Variants in CTNNA2 observed in about 807,000 individuals in gnomAD.
CTNNA2 encodes the protein catenin alpha 2, also known as catenin alpha-2.
A neutral mutation model predicts 101.0 loss-of-function variants in CTNNA2; 42 were observed. The ratio of observed to expected loss-of-function variants is 0.42; its 90% CI spans 0.32 to 0.54. The LOEUF is 0.54. CTNNA2 is among the 20% of genes least tolerant of loss of function. The pLI, the probability that CTNNA2 is intolerant of heterozygous loss-of-function variation, is 0.14. For missense variants in CTNNA2, 871 were observed against 1,223.1 expected (o/e 0.71, Z 4.29); for synonymous variants, 450 against 456.4 (o/e 0.99, Z 0.18).
At chr2:79,686,684 C>A (rs1380200026) in intron 2 of CTNNA2, among the ~76,000 whole-genome samples, 5 of 152,190 alleles carry the variant, frequency 3.3e-5, no homozygotes, top group African/African-American at 7.2e-5. Context: ...AGACATTAAT[C>A]TGGAAGTGTA....
intron 7 of CTNNA2, among the ~76,000 whole-genome samples, chr2:79,937,678 A>T (rs866388130): frequency 3.3e-5 from 5 of 152,364 alleles, no homozygotes; most frequent in South Asian, 2.1e-4. Context: ...AAGCCGGCCA[A>T]GGGCCCTGTT....
At chr2:80,533,672 A>G (rs1690738312) in intron 9 of CTNNA2, among the ~76,000 whole-genome samples, 1 of 152,148 alleles carries the variant, frequency 6.6e-6, no homozygotes, top group Non-Finnish European at 1.5e-5. Flanking sequence ...TGCAGCCCAC[A>G]TATATGAAGG....
At chr2:80,158,741 C>T (rs1704127807) in intron 7 of CTNNA2, among the ~76,000 whole-genome samples, 1 of 152,086 alleles carries the variant, frequency 6.6e-6, no homozygotes, top group Non-Finnish European at 1.5e-5. Flanking sequence ...AACCTCCTGT[C>T]TCTACTGAAA....
chr2:80,608,857 C>T (rs942057441), intron 17 of CTNNA2, among the ~76,000 whole-genome samples: 10 of 151,824 alleles, frequency 6.6e-5, no homozygotes, highest in Non-Finnish European at 1.0e-4. Context: ...ACATAATTGT[C>T]GAACACTAAC....
chr2:79,606,222 A>G (rs1573460863), intron 1 of CTNNA2, among the ~76,000 whole-genome samples: 1 of 152,154 alleles, frequency 6.6e-6, no homozygotes, highest in East Asian at 1.9e-4. Flanking sequence ...CTATAAGAGT[A>G]AATAGGTAAG....
At chr2:80,197,397 A>G (rs992142445) in intron 7 of CTNNA2, among the ~76,000 whole-genome samples, 4 of 152,168 alleles carry the variant, frequency 2.6e-5, no homozygotes, top group African/African-American at 9.7e-5. Flanking sequence ...ATTATTGTTT[A>G]TTGCAGTCAC....
chr2:80,480,081 A>G (rs1391458525), intron 9 of CTNNA2, among the ~76,000 whole-genome samples: 1 of 152,140 alleles, frequency 6.6e-6, no homozygotes, highest in Admixed American at 6.6e-5. Flanking sequence ...CAGTTTTCTA[A>G]TTTAATTGAT....
chr2:79,470,104 A>G (rs1670981661), intron 4 of CTNNA2, among the ~76,000 whole-genome samples: 1 of 152,206 alleles, frequency 6.6e-6, no homozygotes, highest in African/African-American at 2.4e-5. Context: ...CTGTTTGCAG[A>G]TGACATGATT....
intron 7 of CTNNA2, among the ~76,000 whole-genome samples, chr2:80,177,744 G>T (rs1046571222): frequency 6.6e-6 from 1 of 152,184 alleles, no homozygotes; most frequent in African/African-American, 2.4e-5. Flanking sequence ...CACTCAGCGA[G>T]GTCCATCTAT....
chr2:80,415,528 T>C (rs1322523679), intron 8 of CTNNA2, among the ~76,000 whole-genome samples: 2 of 152,204 alleles, frequency 1.3e-5, no homozygotes, highest in Admixed American at 1.3e-4. Flanking sequence ...TTTGCAAGTA[T>C]GCATATGTTT....
intron 1 of CTNNA2, among the ~76,000 whole-genome samples, chr2:79,602,045 A>C (rs1358460848): frequency 6.8e-6 from 1 of 146,748 alleles, no homozygotes; most frequent in Non-Finnish European, 1.5e-5. Context: ...CTGAAATTGA[A>C]AAACAGTTCT....
intron 7 of CTNNA2, among the ~76,000 whole-genome samples, chr2:80,138,283 A>G (rs1477982531): frequency 6.6e-6 from 1 of 152,120 alleles, no homozygotes; most frequent in African/African-American, 2.4e-5. Context: ...TGGGGTGGAA[A>G]AAAAGGCAGT....
chr2:80,330,499 CT>C (rs11338415), intron 7 of CTNNA2, among the ~76,000 whole-genome samples: 31,974 of 140,918 alleles, frequency 0.23, 3,852 homozygotes, highest in African/African-American at 0.37. Context: ...CTACTTTTTT[CT>C]TTTTTTTTTT....
At chr2:80,587,924 T>C (rs568531953) in intron 14 of CTNNA2, among the ~76,000 whole-genome samples, 1 of 152,304 alleles carries the variant, frequency 6.6e-6, no homozygotes, top group African/African-American at 2.4e-5. Flanking sequence ...CTAAATGGTG[T>C]TTAACAAATA....
intron 7 of CTNNA2, among the ~76,000 whole-genome samples, chr2:80,325,085 A>G (rs892300544): frequency 1.3e-5 from 2 of 152,202 alleles, no homozygotes; most frequent in Non-Finnish European, 1.5e-5. Context: ...TCCCACCTAG[A>G]AGAATGCAAG....
intron 4 of CTNNA2, among the ~76,000 whole-genome samples, chr2:79,862,715 G>A (rs1001332540): frequency 3.3e-5 from 5 of 152,158 alleles, no homozygotes; most frequent in African/African-American, 1.2e-4. Context: ...AATAAGACTA[G>A]GCTCCTGCCT....
chr2:79,654,245 C>A (rs1003018587), intron 2 of CTNNA2, among the ~76,000 whole-genome samples: 2 of 152,206 alleles, frequency 1.3e-5, no homozygotes, highest in Admixed American at 6.5e-5. Context: ...CTAGCAGCGC[C>A]CCACTTCCAA....
intron 2 of CTNNA2, among the ~76,000 whole-genome samples, chr2:79,725,344 A>G (rs960789765): frequency 7.2e-5 from 11 of 152,346 alleles, no homozygotes; most frequent in Admixed American, 5.2e-4. Context: ...AATTCATTGA[A>G]TGTTACTTCC....
At chr2:79,210,779 A>G (rs1237690240) in intron 2 of CTNNA2, among the ~76,000 whole-genome samples, 1 of 152,076 alleles carries the variant, frequency 6.6e-6, no homozygotes, top group African/African-American at 2.4e-5. Context: ...GCAAGTGAGG[A>G]CATGCAATGT....
Sources: gnomAD v4.1 joint callset for allele counts (sites outside exome capture counted in the v4.1 genomes callset) on GRCh38, gnomAD v4.1.1 for gene constraint, MANE v1.5 for transcripts, NCBI Gene and HGNC (gene_info 2026-07-23, HGNC 2026-07-21) for gene names.